IL1RAPL2: variants seen among roughly 807,000 people sequenced by gnomAD.
IL1RAPL2 encodes the protein X-linked interleukin-1 receptor accessory protein-like 2.
Under a neutral mutation model 44.1 loss-of-function variants are expected in IL1RAPL2, and 3 were observed. The observed-to-expected ratio is 0.07, with a 90% CI of 0.03 to 0.18. The LOEUF is 0.18. IL1RAPL2 is among the 10% of genes least tolerant of loss of function. The probability of loss-of-function intolerance (pLI) is 1.00; values close to 1 mark genes in which losing one functional copy is unlikely to be tolerated. For missense variants in IL1RAPL2, 391 were observed against 496.4 expected, an observed-to-expected ratio of 0.79 and a Z score of 2.02; for synonymous variants, 181 against 178.8, an observed-to-expected ratio of 1.01 and a Z score of -0.10.
chrX:105,394,911 C>G, intron 5 of IL1RAPL2, among the ~76,000 whole-genome samples: 1 of 111,354 alleles, frequency 9.0e-6, no homozygotes, highest in Middle Eastern at 4.7e-3. Context: ...TCTGAATCCT[C>G]TGTGAAGTCC....
chrX:105,624,701 A>G (rs1356916227), intron 6 of IL1RAPL2, among the ~76,000 whole-genome samples: 2 of 111,517 alleles, frequency 1.8e-5, no homozygotes, highest in African/African-American at 6.5e-5. Context: ...GCCAGTAACG[A>G]TAACATCAAG....
intron 5 of IL1RAPL2, among the ~76,000 whole-genome samples, chrX:105,363,995 A>C (rs2035273551): frequency 9.0e-6 from 1 of 111,482 alleles, no homozygotes. Flanking sequence ...TTGTAGTTCT[A>C]TTCAAGAAAT....
At chrX:104,988,639 G>T (rs2030605045) in intron 2 of IL1RAPL2, among the ~76,000 whole-genome samples, 1 of 111,786 alleles carries the variant, frequency 8.9e-6, no homozygotes, top group Admixed American at 9.5e-5. Context: ...AAATAATTTT[G>T]TTTTACTTTT....
chrX:105,501,475 T>G (rs1380758179), intron 6 of IL1RAPL2, among the ~76,000 whole-genome samples: 2 of 110,298 alleles, frequency 1.8e-5, no homozygotes, highest in Non-Finnish European at 3.8e-5. Context: ...AATACAAAAA[T>G]TAGCTGGGCA....
At chrX:105,318,104 C>T (rs1315929869) in intron 5 of IL1RAPL2, among the ~76,000 whole-genome samples, 1 of 109,821 alleles carries the variant, frequency 9.1e-6, no homozygotes, top group East Asian at 2.9e-4. Flanking sequence ...TCCCGAGTAG[C>T]TGGGACTACA....
At chrX:104,890,433 A>G (rs946539500) in intron 2 of IL1RAPL2, among the ~76,000 whole-genome samples, 1 of 111,457 alleles carries the variant, frequency 9.0e-6, no homozygotes, top group Non-Finnish European at 1.9e-5. Flanking sequence ...AAGTGTTCCT[A>G]TTTCTCCACA....
intron 2 of IL1RAPL2, among the ~76,000 whole-genome samples, chrX:104,909,858 C>A (rs1924173285): frequency 8.9e-6 from 1 of 112,541 alleles, no homozygotes; most frequent in African/African-American, 3.2e-5. Context: ...AGGCAGGCCT[C>A]CTTGAGCTGT....
chrX:104,761,827 CCTTCTTCTCCTTCTCCTT>C (rs1569309690), intron 2 of IL1RAPL2, among the ~76,000 whole-genome samples: 3 of 69,957 alleles, frequency 4.3e-5, no homozygotes, highest in South Asian at 6.1e-4. Context: ...TCCTCCTTCT[CCTTCTTCTCCTTCTCCTT>C]CTTCTCCTTC....
intron 2 of IL1RAPL2, among the ~76,000 whole-genome samples, chrX:104,861,144 T>C (rs763848696): frequency 8.9e-6 from 1 of 112,200 alleles, no homozygotes; most frequent in Admixed American, 9.5e-5. Flanking sequence ...GTGGTCTGTA[T>C]GCCCAGCATT....
chrX:105,348,970 T>A (rs905793860), intron 5 of IL1RAPL2, among the ~76,000 whole-genome samples: 32 of 112,140 alleles, frequency 2.9e-4, no homozygotes, highest in Non-Finnish European at 4.7e-4. Context: ...GATTTAAGAC[T>A]GTGAGGGTCA....
At chrX:105,263,599 G>T (rs1345447931) in intron 4 of IL1RAPL2, among the ~76,000 whole-genome samples, 1 of 111,686 alleles carries the variant, frequency 9.0e-6, no homozygotes, top group Non-Finnish European at 1.9e-5. Context: ...TTAGTAAACA[G>T]ATATCTCAGT....
At chrX:105,188,876 TA>T (rs1201477640) in intron 2 of IL1RAPL2, among the ~76,000 whole-genome samples, 4 of 111,642 alleles carry the variant, frequency 3.6e-5, no homozygotes, top group East Asian at 2.8e-4. Flanking sequence ...AACTTTATTT[TA>T]AAAAAAATGA....
At chrX:104,909,502 T>G (rs1924155873) in intron 2 of IL1RAPL2, among the ~76,000 whole-genome samples, 1 of 111,757 alleles carries the variant, frequency 8.9e-6, no homozygotes, top group Non-Finnish European at 1.9e-5. Flanking sequence ...TCTATGATGG[T>G]GATGTACAGA....
intron 5 of IL1RAPL2, among the ~76,000 whole-genome samples, chrX:105,449,767 A>G (rs748959261): frequency 1.8e-5 from 2 of 110,939 alleles, no homozygotes; most frequent in Non-Finnish European, 3.8e-5. Context: ...AAAACAAAAA[A>G]CAGAAGTATT....
intron 5 of IL1RAPL2, among the ~76,000 whole-genome samples, chrX:105,438,194 A>G (rs959888833): frequency 2.7e-5 from 3 of 111,843 alleles, no homozygotes; most frequent in African/African-American, 6.5e-5. Flanking sequence ...AACTAGGGAA[A>G]TGTATCAGAC....
intron 2 of IL1RAPL2, among the ~76,000 whole-genome samples, chrX:104,866,371 G>A (rs906179925): frequency 6.2e-5 from 7 of 112,098 alleles, no homozygotes; most frequent in African/African-American, 2.3e-4. Flanking sequence ...ATACATGTAA[G>A]TATATGCTAG....
intron 2 of IL1RAPL2, among the ~76,000 whole-genome samples, chrX:104,809,180 A>C (rs1932949479): frequency 9.0e-6 from 1 of 111,718 alleles, no homozygotes; most frequent in Admixed American, 9.5e-5. Context: ...CAAACACTTG[A>C]TGCCTCTCTC....
intron 2 of IL1RAPL2, among the ~76,000 whole-genome samples, chrX:104,904,872 C>T (rs1247357544): frequency 2.7e-5 from 3 of 110,691 alleles, no homozygotes; most frequent in Non-Finnish European, 5.7e-5. Context: ...CCTGAGGAAT[C>T]GCCACACTGA....
chrX:105,071,352 A>G (rs1163783789), intron 2 of IL1RAPL2, among the ~76,000 whole-genome samples: 1 of 111,838 alleles, frequency 8.9e-6, no homozygotes, highest in Non-Finnish European at 1.9e-5. Context: ...CAAACTATCA[A>G]AATTGAAATA....
Sources: allele counts gnomAD v4.1 joint callset (sites outside exome capture counted in the v4.1 genomes callset), GRCh38; gene constraint gnomAD v4.1.1; transcripts MANE v1.5; gene names NCBI Gene and HGNC (gene_info 2026-07-23, HGNC 2026-07-21).